CNTNAP2: variants seen among roughly 807,000 people sequenced by gnomAD.
The protein encoded by CNTNAP2 is contactin-associated protein-like 2.
A neutral mutation model predicts 155.2 loss-of-function variants in CNTNAP2; 98 were observed. The observed-to-expected ratio is 0.63, with a 90% CI of 0.54 to 0.75. The LOEUF is 0.75. CNTNAP2 is among the 30% of genes least tolerant of loss of function. The pLI, the probability that CNTNAP2 is intolerant of heterozygous loss-of-function variation, is 0.00. For missense variants in CNTNAP2, 1,727 were observed against 1,688.1 expected (o/e 1.02, Z -0.40); for synonymous variants, 651 against 631.2 (o/e 1.03, Z -0.47).
chr7:148,112,986 A>G (rs1297486854), intron 15 of CNTNAP2, among the ~76,000 whole-genome samples: 1 of 152,134 alleles, frequency 6.6e-6, no homozygotes. Flanking sequence ...GCACCACTAG[A>G]CTTTTATAAC....
intron 8 of CNTNAP2, among the ~76,000 whole-genome samples, chr7:147,235,931 C>T (rs752940683): frequency 2.3e-4 from 35 of 152,226 alleles, no homozygotes; most frequent in Non-Finnish European, 3.8e-4. Flanking sequence ...TATGAAAGAC[C>T]GTGAATTCAC....
chr7:146,612,686 G>A (rs563204400), intron 1 of CNTNAP2, among the ~76,000 whole-genome samples: 190 of 152,146 alleles, frequency 1.2e-3, no homozygotes, highest in Non-Finnish European at 2.2e-3. Context: ...TTATTAAGAC[G>A]GGTACAGCTT....
intron 14 of CNTNAP2, among the ~76,000 whole-genome samples, chr7:147,960,860 A>T (rs948614981): frequency 6.6e-6 from 1 of 150,808 alleles, no homozygotes; most frequent in East Asian, 2.0e-4. Flanking sequence ...TTCTTTCTTT[A>T]TGCCCTAGAA....
chr7:148,117,938 A>G (rs1804511695), intron 15 of CNTNAP2, among the ~76,000 whole-genome samples, 180 bp from the exon 16 acceptor site: 1 of 151,862 alleles, frequency 6.6e-6, no homozygotes. Context: ...AGACACACAT[A>G]TAACTTTTGG....
At chr7:147,349,902 A>G (rs953781114) in intron 9 of CNTNAP2, among the ~76,000 whole-genome samples, 1 of 151,946 alleles carries the variant, frequency 6.6e-6, no homozygotes, top group African/African-American at 2.4e-5. Context: ...CCTGTCTACA[A>G]CACCATTTTG....
At chr7:148,413,030 A>ATTAACATTATCATAAT (rs1334456838) in intron 23 of CNTNAP2, among the ~76,000 whole-genome samples, 3 of 152,094 alleles carry the variant, frequency 2.0e-5, no homozygotes, top group Non-Finnish European at 4.4e-5. Flanking sequence ...CATTCCTAGG[A>ATTAACATTATCATAAT]TTAACATTAT....
chr7:147,930,425 G>T (rs904786268), intron 14 of CNTNAP2, among the ~76,000 whole-genome samples: 4 of 152,154 alleles, frequency 2.6e-5, no homozygotes, highest in Non-Finnish European at 5.9e-5. Context: ...AAAGAGAGCA[G>T]GAGTGGCTAT....
chr7:148,403,790 G>T (rs1054028769), intron 22 of CNTNAP2, among the ~76,000 whole-genome samples: 6 of 152,088 alleles, frequency 3.9e-5, no homozygotes, highest in African/African-American at 1.2e-4. Flanking sequence ...AAATGGCTTT[G>T]CCTCAAGGGG....
chr7:147,840,900 A>G lies in CNTNAP2; in HGVS notation c.2099-62665A>G, dbSNP rs187794129. Among the ~76,000 whole-genome samples the G allele has an allele frequency of 7.9e-5, 12 of 152,264 alleles. No individual in the cohort carries two copies. The East Asian group carries it at 2.3e-3, about 29-fold the overall frequency. On this transcript the variant is annotated intron_variant, in intron 13 of 23. Coordinates refer to ENST00000361727, the MANE Select transcript of CNTNAP2 (RefSeq NM_014141.6). ...AATTAGCCCTCATGACTTTATGAAA[A>G]AAAAAATCAAACCCTTGAACTCAGA...
chr7:147,387,804 G>A (rs1025009105), intron 9 of CNTNAP2, among the ~76,000 whole-genome samples: 1 of 152,080 alleles, frequency 6.6e-6, no homozygotes, highest in East Asian at 1.9e-4. Flanking sequence ...TCATTAGATG[G>A]GGGTGGTTTA....
At position 147,260,178 on chromosome 7, in the gene CNTNAP2, A is replaced by G. The variant is rs542101809; in HGVS notation, c.1349-39963A>G. ...ATATCTAACAAAAGCTTTACTATTC[A>G]TGGCTTCCTAGTTTGCAACTTAACG... On this transcript the variant is annotated intron_variant, in intron 8 of 23. Transcript: ENST00000361727. 2.0e-5 allele frequency among the ~76,000 whole-genome samples: 3 copies of G among 152,360 alleles called. No homozygotes were observed. In the East Asian group the frequency reaches 5.8e-4, roughly 29 times the overall value.
Position 146,801,587 on chromosome 7 carries a change from A to G in CNTNAP2, c.208+27206A>G, listed in dbSNP as rs139764844. ...TTTTCAGGGAAAAATATGCTTTTTA[A>G]TTTGACTAAAAAGTTGGTTAGATCC... is the stretch of plus-strand genomic sequence containing the variant. On this transcript the variant is annotated intron_variant, in intron 2 of 23. Coordinates refer to ENST00000361727, the MANE Select transcript of CNTNAP2 (RefSeq NM_014141.6). Among the ~76,000 whole-genome samples the G allele has an allele frequency of 5.0e-4, 76 of 152,286 alleles. 4 individuals carry two copies. The highest frequency in any genetic ancestry group is 1.7e-3 in the African/African-American group (72 of 41,558).
chr7:146,897,543 A>T (rs1204471749), intron 3 of CNTNAP2, among the ~76,000 whole-genome samples: 1 of 152,046 alleles, frequency 6.6e-6, no homozygotes, highest in African/African-American at 2.4e-5. Context: ...TTCCCTACAG[A>T]AACTGGATTT....
At chr7:146,360,194 C>G (rs1273992625) in intron 1 of CNTNAP2, among the ~76,000 whole-genome samples, 1 of 152,146 alleles carries the variant, frequency 6.6e-6, no homozygotes, top group Admixed American at 6.5e-5. Context: ...TCTCCTTTGA[C>G]AGAAGTACAC....
At chr7:146,473,263 G>T (rs1796826285) in intron 1 of CNTNAP2, among the ~76,000 whole-genome samples, 1 of 152,116 alleles carries the variant, frequency 6.6e-6, no homozygotes, top group Non-Finnish European at 1.5e-5. Flanking sequence ...AGAGTGGAAA[G>T]AGGTCACTGG....
At chr7:146,164,532 G>T (rs1049790458) in intron 1 of CNTNAP2, among the ~76,000 whole-genome samples, 1 of 152,236 alleles carries the variant, frequency 6.6e-6, no homozygotes, top group South Asian at 2.1e-4. Context: ...TATTAGAGGG[G>T]CAGATTTCCA....
intron 1 of CNTNAP2, among the ~76,000 whole-genome samples, chr7:146,362,127 CTT>C (rs956131414): frequency 2.6e-5 from 4 of 152,068 alleles, no homozygotes; most frequent in Admixed American, 2.0e-4. Context: ...GGATCTTACT[CTT>C]TGGAAATTTT....
intron 1 of CNTNAP2, among the ~76,000 whole-genome samples, chr7:146,151,176 C>T (rs1006511737): frequency 6.6e-6 from 1 of 152,052 alleles, no homozygotes; most frequent in Non-Finnish European, 1.5e-5. Flanking sequence ...AGGTTTCTTC[C>T]TCAACATCCG....
chr7:147,512,189 C>T (rs1486683764), intron 11 of CNTNAP2, among the ~76,000 whole-genome samples: 1 of 152,190 alleles, frequency 6.6e-6, no homozygotes, highest in African/African-American at 2.4e-5. Context: ...CGTGCCCACA[C>T]ATCTCATACG....
Sources: gnomAD v4.1 joint callset for allele counts (sites outside exome capture counted in the v4.1 genomes callset) on GRCh38, gnomAD v4.1.1 for gene constraint, MANE v1.5 for transcripts, NCBI Gene and HGNC (gene_info 2026-07-23, HGNC 2026-07-21) for gene names.